Variants in DPP10 observed in about 807,000 individuals in gnomAD.
The protein encoded by DPP10 is dipeptidyl peptidase like 10.
A neutral mutation model predicts 120.9 loss-of-function variants in DPP10; 33 were observed. The observed-to-expected ratio is 0.27, with a 90% CI of 0.21 to 0.37. The LOEUF (loss-of-function observed/expected upper bound fraction) is 0.37. Among genes scored for constraint, DPP10 ranks in the 10% least tolerant of loss-of-function variants. DPP10 has a pLI of 1.00. For synonymous variants in DPP10, 337 were observed against 326.1 expected (o/e 1.03, Z -0.36); for missense variants, 816 against 942.8 (o/e 0.87, Z 1.76).
At chr2:115,829,501 T>C (rs1261631742) in intron 21 of DPP10, among the ~76,000 whole-genome samples, 4 of 152,320 alleles carry the variant, frequency 2.6e-5, no homozygotes, top group Non-Finnish European at 5.9e-5. Context: ...TCACCTGTTC[T>C]ATTATCTTTG....
chr2:115,681,707 A>T (rs201487193), intron 5 of DPP10, among the ~76,000 whole-genome samples: 6 of 147,842 alleles, frequency 4.1e-5, no homozygotes, highest in Non-Finnish European at 6.0e-5. Flanking sequence ...CTGCCTTCCT[A>T]CCTTCCTTCC....
chr2:114,524,467 A>C (rs2104684877), intron 1 of DPP10, among the ~76,000 whole-genome samples: 1 of 152,340 alleles, frequency 6.6e-6, no homozygotes, highest in Admixed American at 6.5e-5. Flanking sequence ...GGGAGCTAAA[A>C]TAATCTTTGA....
At chr2:114,870,190 T>C (rs1368192342) in intron 1 of DPP10, among the ~76,000 whole-genome samples, 1 of 152,202 alleles carries the variant, frequency 6.6e-6, no homozygotes, top group Non-Finnish European at 1.5e-5. Context: ...CAATTCATTT[T>C]CCAGCTATGC....
intron 5 of DPP10, among the ~76,000 whole-genome samples, chr2:115,678,825 G>A (rs2090458193): frequency 6.6e-6 from 1 of 152,244 alleles, no homozygotes. Context: ...GCCCAAGGTT[G>A]TGGGAGCCCA....
chr2:115,537,557 A>T (rs1009795783), intron 5 of DPP10, among the ~76,000 whole-genome samples: 6 of 128,850 alleles, frequency 4.7e-5, no homozygotes, highest in Non-Finnish European at 6.4e-5. Context: ...CTTGAGACAC[A>T]TCACTGTTTT....
At chr2:114,677,862 A>G (rs936557467) in intron 1 of DPP10, among the ~76,000 whole-genome samples, 1 of 152,184 alleles carries the variant, frequency 6.6e-6, no homozygotes, top group African/African-American at 2.4e-5. Flanking sequence ...GATTCATGAG[A>G]GTAGTTATTT....
At chr2:114,972,277 T>A (rs1574605826) in intron 1 of DPP10, among the ~76,000 whole-genome samples, 4 of 152,288 alleles carry the variant, frequency 2.6e-5, no homozygotes, top group Admixed American at 2.6e-4. Flanking sequence ...AACAACTGAT[T>A]AGGGCAGACC....
At chr2:115,533,025 A>AT in intron 5 of DPP10, among the ~76,000 whole-genome samples, 1 of 152,090 alleles carries the variant, frequency 6.6e-6, no homozygotes, top group South Asian at 2.1e-4. Context: ...GGAGAAATCA[A>AT]TTTTTTTAAA....
chr2:115,815,853 T>G (rs1687168193), intron 21 of DPP10, 124 bp downstream of exon 21: 1 of 996,140 alleles, frequency 1.0e-6, no homozygotes. Flanking sequence ...ATTCCATACT[T>G]ATTAACATGG....
intron 1 of DPP10, among the ~76,000 whole-genome samples, chr2:114,709,973 A>G (rs1160334177): frequency 1.3e-5 from 2 of 152,202 alleles, no homozygotes; most frequent in Non-Finnish European, 2.9e-5. Context: ...TGGTCTTTGC[A>G]TATGCAAACA....
Position 115,791,135 on chromosome 2 carries a change from A to C in DPP10, c.1586A>C (p.Lys529Thr). The C allele has an allele frequency of 6.2e-7, 1 of 1,613,670 alleles. No individual in the cohort carries two copies. Residue 529 changes from lysine (K) to threonine (T), a missense_variant, in exon 18 of 26, where the codon AAG becomes ACG. Transcript: ENST00000410059. ...SMLKEAILKK[K>T]IGKPEIKILH... The stretch of plus-strand genomic sequence containing the variant: ...CTGAAGGAAGCTATCCTGAAGAAGA[A>C]GATAGGAAAGCCAGAAATTAAAATC...
In DPP10 at chr2:114,969,889, G is replaced by A. The variant is rs976034804; in HGVS notation, c.61-339350G>A. On this transcript the variant is annotated intron_variant, in intron 1 of 25. Coordinates refer to ENST00000410059, the MANE Select transcript of DPP10 (RefSeq NM_020868.6). ...TCCCCACTAACCCTCATTAAATTAC[G>A]ATCTAATCAAGATATTTGCATTGTT... Among the ~76,000 whole-genome samples, 7 of 152,036 alleles carry A rather than the reference G, an allele frequency of 4.6e-5. No individual in the cohort carries two copies. The South Asian group carries it at 8.3e-4, about 18-fold the overall frequency.
intron 1 of DPP10, among the ~76,000 whole-genome samples, chr2:114,997,953 T>G (rs1257420076): frequency 1.3e-5 from 2 of 152,218 alleles, no homozygotes; most frequent in African/African-American, 4.8e-5. Context: ...GGTAACTTTA[T>G]GCAATATTTT....
intron 2 of DPP10, among the ~76,000 whole-genome samples, chr2:115,341,412 G>A (rs1021279363): frequency 6.6e-6 from 1 of 151,818 alleles, no homozygotes; most frequent in Non-Finnish European, 1.5e-5. Flanking sequence ...TCAACATCCC[G>A]CACCAGAGTG....
intron 1 of DPP10, among the ~76,000 whole-genome samples, chr2:114,524,928 T>C (rs1391656983): frequency 6.6e-6 from 1 of 152,216 alleles, no homozygotes; most frequent in Non-Finnish European, 1.5e-5. Context: ...ACTTTTCCAA[T>C]GTTTTTCTTT....
At chr2:114,740,363 G>C (rs1330548538) in intron 1 of DPP10, among the ~76,000 whole-genome samples, 1 of 105,114 alleles carries the variant, frequency 9.5e-6, no homozygotes, top group Admixed American at 1.1e-4. Context: ...GTTGTGGGGT[G>C]GGGGGAGGGG....
chr2:115,285,948 A>C (rs961952437), intron 1 of DPP10, among the ~76,000 whole-genome samples: 3 of 151,998 alleles, frequency 2.0e-5, no homozygotes, highest in African/African-American at 7.2e-5. Context: ...TAAGATATTT[A>C]TGTTAATTTT....
At chr2:114,502,128 AT>A (rs142268952) in intron 1 of DPP10, among the ~76,000 whole-genome samples, 1 of 151,262 alleles carries the variant, frequency 6.6e-6, no homozygotes, top group African/African-American at 2.4e-5. Context: ...TATTTATTTT[AT>A]TTTTTTAGTA....
At chr2:115,825,026 T>G (rs1402958410) in intron 21 of DPP10, among the ~76,000 whole-genome samples, 1 of 152,210 alleles carries the variant, frequency 6.6e-6, no homozygotes, top group Non-Finnish European at 1.5e-5. Context: ...TCTTTTTACA[T>G]CCAATTTTAT....
Sources: allele counts gnomAD v4.1 joint callset (sites outside exome capture counted in the v4.1 genomes callset), GRCh38; gene constraint gnomAD v4.1.1; transcripts MANE v1.5; gene names NCBI Gene and HGNC (gene_info 2026-07-23, HGNC 2026-07-21).